Variants in NCOA3 observed in about 807,000 individuals in gnomAD.
The protein encoded by NCOA3 is nuclear receptor coactivator 3.
Under a neutral mutation model 158.8 loss-of-function variants are expected in NCOA3, and 51 were observed. That is an observed-to-expected ratio of 0.32 (90% CI 0.26 to 0.41). The LOEUF is 0.41. NCOA3 is among the 10% of genes least tolerant of loss of function. The probability of loss-of-function intolerance (pLI) is 1.00; values close to 1 mark genes in which losing one functional copy is unlikely to be tolerated. For synonymous variants in NCOA3, 537 were observed against 592.4 expected (o/e 0.91, Z 1.36); for missense variants, 1,510 against 1,746.6 (o/e 0.86, Z 2.41).
chr20:47,567,055 T>C (rs2146193528), intron 1 of NCOA3, among the ~76,000 whole-genome samples: 1 of 151,632 alleles, frequency 6.6e-6, no homozygotes, highest in Non-Finnish European at 1.5e-5. Flanking sequence ...TATGTATGTA[T>C]GTATGTATTT....
chr20:47,530,454 G>C (rs940291073), intron 1 of NCOA3, among the ~76,000 whole-genome samples: 1 of 146,610 alleles, frequency 6.8e-6, no homozygotes, highest in Non-Finnish European at 1.5e-5. Flanking sequence ...AATTTTTAAT[G>C]ATTTAACTTT....
chr20:47,612,497 G>A (rs956232787), intron 2 of NCOA3, among the ~76,000 whole-genome samples: 2 of 152,122 alleles, frequency 1.3e-5, no homozygotes, highest in African/African-American at 4.8e-5. Context: ...ATGGAAAAGC[G>A]ATGTGGGAAA....
chr20:47,639,238 G>T, intron 14 of NCOA3, 36 bp downstream of exon 14: 1 of 1,527,576 alleles, frequency 6.5e-7, no homozygotes, highest in Non-Finnish European at 9.0e-7. Flanking sequence ...TGATTATTTT[G>T]GGAAAAGCAT....
chr20:47,537,555 C>T (rs1602366260), intron 1 of NCOA3, among the ~76,000 whole-genome samples: 1 of 151,080 alleles, frequency 6.6e-6, no homozygotes, highest in African/African-American at 2.4e-5. Context: ...AAATGACCAC[C>T]TATAAAAACC....
At chr20:47,638,618 T>C (rs1217595208) in intron 13 of NCOA3, among the ~76,000 whole-genome samples, 1 of 152,186 alleles carries the variant, frequency 6.6e-6, no homozygotes. Context: ...TCTGGTTAAG[T>C]TGATTGTTAA....
intron 2 of NCOA3, among the ~76,000 whole-genome samples, chr20:47,588,384 C>T (rs2085571553): frequency 6.6e-6 from 1 of 151,546 alleles, no homozygotes; most frequent in Non-Finnish European, 1.5e-5. Flanking sequence ...ATCCGCCCGC[C>T]TCTGCCTCCC....
chr20:47,627,837 T>C, intron 7 of NCOA3, 85 bp from the exon 8 acceptor site: 1 of 1,571,036 alleles, frequency 6.4e-7, no homozygotes, highest in East Asian at 2.2e-5. Flanking sequence ...CCCTTCTTAC[T>C]GAATTCCATG....
At chr20:47,519,918 C>G (rs1030415308) in intron 1 of NCOA3, among the ~76,000 whole-genome samples, 9 of 151,994 alleles carry the variant, frequency 5.9e-5, no homozygotes, top group Non-Finnish European at 1.2e-4. Context: ...TGCCCACCAC[C>G]ACGCCTGGCT....
intron 1 of NCOA3, among the ~76,000 whole-genome samples, chr20:47,519,402 A>C (rs1006282947): frequency 6.6e-6 from 1 of 151,712 alleles, no homozygotes; most frequent in Non-Finnish European, 1.5e-5. Flanking sequence ...ATTGTACTCC[A>C]GCCTGGGTGA....
Position 47,639,142 on chromosome 20 carries a change from C to T in NCOA3, c.2647C>T (p.Pro883Ser). The change falls in exon 14 of 23, where the codon CCC becomes TCC. Residue 883 changes from proline to serine, a missense_variant. By Grantham distance (74) the Pro-to-Ser change is moderately conservative. Transcript: ENST00000371998. Reference sequence around the variant, plus strand: ...TGCTTTCCCCATGTTACCAAAGCAACCCATGTTGGGTGGGAATCCAAGAAT... The same window carrying T: ...TGCTTTCCCCATGTTACCAAAGCAATCCATGTTGGGTGGGAATCCAAGAAT... ...ISAFPMLPKQ[P>S]MLGGNPRMMD... 6.2e-7 allele frequency: 1 copy of T among 1,614,122 alleles called. No homozygotes were observed. The highest frequency in any genetic ancestry group is 1.1e-5 in the South Asian group (1 of 91,076).
intron 2 of NCOA3, among the ~76,000 whole-genome samples, chr20:47,591,036 G>C (rs1187753509): frequency 6.6e-6 from 1 of 152,132 alleles, no homozygotes; most frequent in Non-Finnish European, 1.5e-5. Context: ...TTGAACCCCA[G>C]GGGGCAGAGG....
chr20:47,622,807 G>A (rs528761500), intron 3 of NCOA3, among the ~76,000 whole-genome samples: 1 of 152,192 alleles, frequency 6.6e-6, no homozygotes, highest in Non-Finnish European at 1.5e-5. Context: ...ATCTCACAAA[G>A]TACATTCTCA....
chr20:47,506,413 G>T (rs2084032675), intron 1 of NCOA3, among the ~76,000 whole-genome samples: 1 of 152,138 alleles, frequency 6.6e-6, no homozygotes, highest in African/African-American at 2.4e-5. Flanking sequence ...TAAATGAACA[G>T]GAAAATGGCC....
intron 1 of NCOA3, among the ~76,000 whole-genome samples, chr20:47,522,651 A>G (rs569559411): frequency 1.2e-4 from 19 of 152,098 alleles, no homozygotes; most frequent in Admixed American, 1.1e-3. Flanking sequence ...CCCGTGAAAA[A>G]GCTGACCCTC....
chr20:47,584,172 T>G (rs2085497221), intron 2 of NCOA3, among the ~76,000 whole-genome samples: 1 of 151,780 alleles, frequency 6.6e-6, no homozygotes. Context: ...GGTGTGCGCT[T>G]GTAGTCCTAG....
chr20:47,599,911 TG>T (rs1272891488), intron 2 of NCOA3, among the ~76,000 whole-genome samples: 1 of 152,196 alleles, frequency 6.6e-6, no homozygotes, highest in Non-Finnish European at 1.5e-5. Flanking sequence ...GAGATATTTA[TG>T]GCTATCTTGC....
At chr20:47,567,022 ATG>A (rs1568688150) in intron 1 of NCOA3, among the ~76,000 whole-genome samples, 7 of 140,636 alleles carry the variant, frequency 5.0e-5, no homozygotes, top group South Asian at 2.3e-4. Flanking sequence ...CTATGTATGT[ATG>A]TATGTATGTA....
chr20:47,555,827 A>G (rs747749126), intron 1 of NCOA3, among the ~76,000 whole-genome samples: 4 of 144,902 alleles, frequency 2.8e-5, no homozygotes, highest in South Asian at 4.4e-4. Context: ...TATTTTTAGT[A>G]GAGATGGGGT....
chr20:47,603,938 C>A, intron 2 of NCOA3, among the ~76,000 whole-genome samples: 1 of 152,214 alleles, frequency 6.6e-6, no homozygotes, highest in East Asian at 1.9e-4. Context: ...CATTTAGGGT[C>A]ATGGGTTTTC....
Sources: allele counts gnomAD v4.1 joint callset (sites outside exome capture counted in the v4.1 genomes callset), GRCh38; gene constraint gnomAD v4.1.1; transcripts MANE v1.5; gene names NCBI Gene and HGNC (gene_info 2026-07-23, HGNC 2026-07-21).